TSHR: variants seen among roughly 807,000 people sequenced by gnomAD.
The protein encoded by TSHR is thyroid stimulating hormone receptor, also known as thyrotropin receptor.
A neutral mutation model predicts 64.1 loss-of-function variants in TSHR; 51 were observed. The ratio of observed to expected loss-of-function variants is 0.80; its 90% CI spans 0.64 to 1.01. The LOEUF is 1.01. Ranked by LOEUF, TSHR falls within the 50% of genes least tolerant of loss-of-function variation. The probability of loss-of-function intolerance (pLI) is 0.00; values close to 1 mark genes in which losing one functional copy is unlikely to be tolerated. For missense variants in TSHR, 877 were observed against 942.8 expected, an observed-to-expected ratio of 0.93 and a Z score of 0.91; for synonymous variants, 361 against 361.9, an observed-to-expected ratio of 1.00 and a Z score of 0.03.
At chr14:81,083,977 G>A (rs993975580) in intron 3 of TSHR, among the ~76,000 whole-genome samples, 4 of 152,162 alleles carry the variant, frequency 2.6e-5, no homozygotes, top group African/African-American at 9.7e-5. Context: ...ACAGCATGGG[G>A]GAAGCACCCT....
intron 8 of TSHR, among the ~76,000 whole-genome samples, chr14:81,135,000 T>C (rs1480647214): frequency 6.6e-6 from 1 of 152,126 alleles, no homozygotes; most frequent in Non-Finnish European, 1.5e-5. Context: ...TTGAATGGGG[T>C]CATACTTACC....
intron 7 of TSHR, chr14:81,102,924 C>T: frequency 1.0e-6 from 1 of 985,288 alleles, no homozygotes; most frequent in Non-Finnish European, 1.2e-6. Flanking sequence ...TAATAGAAAA[C>T]AAATTTTTTT....
At chr14:81,110,127 T>G (rs922514366) in intron 8 of TSHR, among the ~76,000 whole-genome samples, 1 of 152,268 alleles carries the variant, frequency 6.6e-6, no homozygotes, top group Non-Finnish European at 1.5e-5. Context: ...AAATTCTGTT[T>G]GGTTCAAATC....
At position 81,088,042 on chromosome 14, in the gene TSHR, C is replaced by A. The variant is rs1888420636; in HGVS notation, c.392+14C>A. ...CCTAAAGTTCCTGTAAGTATTAAAT[C>A]CTCTCCCATCCTACTTTTCTGGGGG... On this transcript the variant is annotated intron_variant, in intron 4 of 9. Transcript: ENST00000298171. The A allele has an allele frequency of 6.3e-7, 1 of 1,593,920 alleles. No homozygotes were observed. The highest frequency in any genetic ancestry group is 1.7e-5 in the Admixed American group (1 of 59,982).
At chr14:81,013,253 G>C (rs1890015907) in intron 1 of TSHR, 1 of 152,144 alleles carries the variant, frequency 6.6e-6, no homozygotes, top group African/African-American at 2.4e-5. Context: ...GATAGTTGTA[G>C]ATATGCGGCG....
chr14:81,007,972 T>G (rs773727527), intron 1 of TSHR, among the ~76,000 whole-genome samples: 4 of 152,210 alleles, frequency 2.6e-5, no homozygotes, highest in Non-Finnish European at 5.9e-5. Flanking sequence ...CACCATATTA[T>G]GTATTGATCA....
chr14:80,970,617 C>T (rs974751604), intron 1 of TSHR, among the ~76,000 whole-genome samples: 3 of 152,312 alleles, frequency 2.0e-5, no homozygotes, highest in Non-Finnish European at 2.9e-5. Context: ...CTGTATGGCC[C>T]ACATGGCAGG....
chr14:81,020,565 C>A (rs149537260), intron 1 of TSHR, among the ~76,000 whole-genome samples: 94 of 152,294 alleles, frequency 6.2e-4, no homozygotes, highest in African/African-American at 2.1e-3. Context: ...ACTGAGGCAG[C>A]GATGCTAGCA....
In TSHR at chr14:81,002,779, CTCTTTTTTTTTTTTTTTTTTTTTTTTTTA is replaced by C. The variant is rs1443869741; in HGVS notation, c.170+46946_170+46974del. ...TTTCTCTCATTAAGGTCCCTAATGC[CTCTTTTTTTTTTTTTTTTTTTTTTTTTTA>C]TCTTTTTTTTTTTTTTCTTTTTTTA... On this transcript the variant is annotated intron_variant, in intron 1 of 9. Coordinates refer to ENST00000298171, the MANE Select transcript of TSHR (RefSeq NM_000369.5). 2.4e-3 allele frequency among the ~76,000 whole-genome samples: 85 copies of C among 35,352 alleles called. 5 individuals carry two copies. In the South Asian group the frequency reaches 0.057, roughly 24 times the overall value. The allele number at this position is 35,352 out of a possible 152,430, so 23.2% of individuals were successfully genotyped here.
At chr14:81,035,009 G>A (rs186097053) in intron 1 of TSHR, among the ~76,000 whole-genome samples, 29 of 141,590 alleles carry the variant, frequency 2.0e-4, no homozygotes, top group African/African-American at 5.5e-4. Flanking sequence ...TAAAGCCTTC[G>A]GGCCAATTCC....
intron 1 of TSHR, among the ~76,000 whole-genome samples, chr14:81,037,689 T>G (rs1884714981): frequency 6.6e-6 from 1 of 151,330 alleles, no homozygotes; most frequent in South Asian, 2.1e-4. Context: ...ACTACAAGAG[T>G]AGCTATACTT....
intron 3 of TSHR, among the ~76,000 whole-genome samples, chr14:81,085,049 C>T (rs1215728075): frequency 1.3e-5 from 2 of 152,212 alleles, no homozygotes; most frequent in African/African-American, 4.8e-5. Flanking sequence ...GCAACCTCTG[C>T]CTCCTGCGTT....
chr14:81,092,695 C>G, intron 6 of TSHR, 87 bp downstream of exon 6: 1 of 1,204,594 alleles, frequency 8.3e-7, no homozygotes, highest in Non-Finnish European at 1.2e-6. Context: ...AAGAGCCATA[C>G]TGCCTTATCA....
At chr14:81,084,254 C>CA (rs561952943) in intron 3 of TSHR, among the ~76,000 whole-genome samples, 5 of 152,280 alleles carry the variant, frequency 3.3e-5, no homozygotes, top group Non-Finnish European at 7.3e-5. Context: ...CATACTTAAG[C>CA]AGCATATCTG....
chr14:81,055,388 C>T (rs1263472673), intron 1 of TSHR, among the ~76,000 whole-genome samples: 1 of 152,342 alleles, frequency 6.6e-6, no homozygotes, highest in African/African-American at 2.4e-5. Flanking sequence ...GGCACCCCCA[C>T]ACAGAGTCCT....
At chr14:81,056,919 TACAAAAC>T (rs1468132456) in intron 1 of TSHR, among the ~76,000 whole-genome samples, 1 of 152,170 alleles carries the variant, frequency 6.6e-6, no homozygotes, top group African/African-American at 2.4e-5. Flanking sequence ...CCACCCAAAA[TACAAAAC>T]ACAAGAGAAT....
intron 2 of TSHR, among the ~76,000 whole-genome samples, chr14:81,067,796 C>A (rs1886741813): frequency 6.7e-6 from 1 of 148,604 alleles, no homozygotes; most frequent in Admixed American, 6.7e-5. Flanking sequence ...AAGCAAGCAT[C>A]AGAAAAGAAC....
At chr14:81,006,915 A>C (rs73349945) in intron 1 of TSHR, among the ~76,000 whole-genome samples, 1 of 152,170 alleles carries the variant, frequency 6.6e-6, no homozygotes, top group Non-Finnish European at 1.5e-5. Flanking sequence ...AATGCTTTAC[A>C]TTAGTATATT....
intron 7 of TSHR, among the ~76,000 whole-genome samples, chr14:81,101,924 C>A (rs1008273112): frequency 9.2e-5 from 14 of 152,274 alleles, no homozygotes; most frequent in Admixed American, 4.6e-4. Flanking sequence ...GTAATCCCAG[C>A]ACTTTGGGAG....
Sources: allele counts gnomAD v4.1 joint callset (sites outside exome capture counted in the v4.1 genomes callset), GRCh38; gene constraint gnomAD v4.1.1; transcripts MANE v1.5; gene names NCBI Gene and HGNC (gene_info 2026-07-23, HGNC 2026-07-21).